Variants in DIPK1C observed in about 807,000 individuals in gnomAD.
DIPK1C encodes divergent protein kinase domain 1C, also known as familial non-conventional Alzheimer's dementia.
A neutral mutation model predicts 28.0 loss-of-function variants in DIPK1C; 33 were observed. The ratio of observed to expected loss-of-function variants is 1.18; its 90% CI spans 0.89 to 1.58. The LOEUF (loss-of-function observed/expected upper bound fraction) is 1.58, where lower values mean the gene tolerates loss of function less well. Ranked by LOEUF, DIPK1C falls within the 40% of genes most tolerant of loss-of-function variation. DIPK1C has a pLI of 0.00. For synonymous variants in DIPK1C, 255 were observed against 248.8 expected (o/e 1.02, Z -0.23); for missense variants, 569 against 568.5 (o/e 1.00, Z -0.01).
In DIPK1C at chr18:74,447,581, C is replaced by T. The variant is rs1047141303; in HGVS notation, c.199-298G>A. On this transcript the variant is annotated intron_variant, in intron 1 of 3. Coordinates refer to ENST00000343998, the MANE Select transcript of DIPK1C (RefSeq NM_001044369.3). This position sits in a 1 kb window ranked among gnomAD's most constrained non-coding sequence, Gnocchi z 4.1. The stretch of plus-strand genomic sequence containing the variant: ...TTCCCATCGTTCAGCTGGGTGACTC[C>T]GGGAAAGCCAGAGGCCAGGAAACCA... Among the ~76,000 whole-genome samples, 2 of 152,186 alleles carry T rather than the reference C, an allele frequency of 1.3e-5. No homozygotes were observed. The highest frequency in any genetic ancestry group is 6.5e-5 in the Admixed American group (1 of 15,286).
Position 74,446,949 on chromosome 18 carries a change from G to A in DIPK1C, c.533C>T (p.Pro178Leu), listed in dbSNP as rs1986280733. 6.7e-7 allele frequency: 1 copy of A among 1,503,056 alleles called. No individual in the cohort carries two copies. The highest frequency in any genetic ancestry group is 1.4e-5 in the African/African-American group (1 of 71,976). 93.1% of individuals were successfully genotyped at this position (1,503,056 alleles called of 1,614,324 possible). A position where few individuals can be genotyped will look rare whatever the true frequency, so the allele number is the denominator to read the frequency against. Residue 178 changes from proline (P) to leucine (L), a missense_variant, in exon 2 of 4, where the codon CCA becomes CTA. Coordinates refer to ENST00000343998, the MANE Select transcript of DIPK1C (RefSeq NM_001044369.3). The stretch of plus-strand genomic sequence containing the variant: ...GCTGGCCAGCTGTCCCCGCCAGCGT[G>A]GGCCCCGCCTGCCCGGCCACCACGG... The part of the protein sequence containing the change: ...LGPWWPGRRG[P>L]RWRGQLASLW...
intron 3 of DIPK1C, among the ~76,000 whole-genome samples, chr18:74,438,210 T>A (rs995445900): frequency 1.3e-5 from 2 of 152,218 alleles, no homozygotes; most frequent in African/African-American, 2.4e-5. Flanking sequence ...AAATCAGTTC[T>A]TATGAGGATA....
chr18:74,443,252 C>CA (rs1056132340), intron 2 of DIPK1C, among the ~76,000 whole-genome samples: 2 of 152,170 alleles, frequency 1.3e-5, no homozygotes, highest in African/African-American at 4.8e-5. Flanking sequence ...GATGCAACAA[C>CA]AAAAACAGAT....
Position 74,457,248 on chromosome 18 carries a change from C to G in DIPK1C, c.12G>C (p.Ala4=). MAR[A]AGARGPAGWC... ...ACCCGGCAGGGCCCCGCGCGCCCGC[C>G]GCCCGCGCCATGGCCAGCCCTGCCC... The change falls in exon 1 of 4, where the codon GCG becomes GCC. Residue 4 remains alanine (A), a synonymous_variant. Transcript: ENST00000343998. 1 of 1,005,532 alleles carries G rather than the reference C, an allele frequency of 9.9e-7. No homozygotes were observed. The highest frequency in any genetic ancestry group is 1.2e-6 in the Non-Finnish European group (1 of 844,976). The allele number at this position is 1,005,532 out of a possible 1,614,324, so 62.3% of individuals were successfully genotyped here. A position where few individuals can be genotyped will look rare whatever the true frequency, so the allele number is the denominator to read the frequency against.
chr18:74,462,510 A>G (rs1568268547), upstream of DIPK1C, among the ~76,000 whole-genome samples: 1 of 152,148 alleles, frequency 6.6e-6, no homozygotes, highest in Non-Finnish European at 1.5e-5. Context: ...AATTGTTTCT[A>G]CTTTTTGGCT....
At chr18:74,444,337 C>T (rs1404323818) in intron 2 of DIPK1C, among the ~76,000 whole-genome samples, 5 of 152,204 alleles carry the variant, frequency 3.3e-5, no homozygotes, top group Admixed American at 1.3e-4. Flanking sequence ...TGCAAGTGGG[C>T]ACCTGCCCTG....
chr18:74,444,251 C>A (rs1473692442), intron 2 of DIPK1C, among the ~76,000 whole-genome samples: 7 of 152,336 alleles, frequency 4.6e-5, no homozygotes, highest in South Asian at 2.1e-4. Context: ...TGGAAAAGAG[C>A]ACTGGCTGGC....
chr18:74,440,954 G>A (rs1283347333), intron 3 of DIPK1C, among the ~76,000 whole-genome samples: 1 of 152,210 alleles, frequency 6.6e-6, no homozygotes, highest in East Asian at 1.9e-4. Flanking sequence ...CTTTGGCCCA[G>A]AAGGTCTGTG....
At chr18:74,459,671 T>G (rs1180258729), upstream of DIPK1C, among the ~76,000 whole-genome samples, 3 of 152,204 alleles carry the variant, frequency 2.0e-5, no homozygotes, top group Non-Finnish European at 4.4e-5. Context: ...ACATTGGAAG[T>G]AACCTACTGT....
At chr18:74,441,242 T>C (rs2144513976) in intron 3 of DIPK1C, among the ~76,000 whole-genome samples, 1 of 152,232 alleles carries the variant, frequency 6.6e-6, no homozygotes, top group African/African-American at 2.4e-5. Flanking sequence ...CTGTAAGCCA[T>C]CGCATGCAAC....
intron 3 of DIPK1C, among the ~76,000 whole-genome samples, chr18:74,440,428 T>A (rs182195353): frequency 1.7e-4 from 26 of 152,356 alleles, no homozygotes; most frequent in Non-Finnish European, 3.2e-4. Context: ...AGTAATTCAT[T>A]ACAATCACGT....
intron 2 of DIPK1C, 53 bp from the exon 3 acceptor site, chr18:74,442,169 A>C (rs1236754538): frequency 6.3e-7 from 1 of 1,599,774 alleles, no homozygotes; most frequent in African/African-American, 1.4e-5. Flanking sequence ...GGCTCTGCAG[A>C]GAGGGAGCCT....
chr18:74,454,503 C>T (rs34952903), intron 1 of DIPK1C, among the ~76,000 whole-genome samples: 4,949 of 152,336 alleles, frequency 0.032, 105 homozygotes, highest in Non-Finnish European at 0.047. Context: ...ACTCCCTGGG[C>T]GCTGCCAGAA....
intron 1 of DIPK1C, among the ~76,000 whole-genome samples, chr18:74,455,650 G>A (rs573076763): frequency 6.7e-6 from 1 of 149,228 alleles, no homozygotes; most frequent in Non-Finnish European, 1.5e-5. Flanking sequence ...AATTAGCCAG[G>A]CATGGTGGTG....
chr18:74,440,690 T>G (rs893646184), intron 3 of DIPK1C, among the ~76,000 whole-genome samples: 5 of 152,226 alleles, frequency 3.3e-5, no homozygotes, highest in Admixed American at 3.3e-4. Context: ...TAAGAGCCCT[T>G]TCTACAGAAA....
intron 1 of DIPK1C, among the ~76,000 whole-genome samples, chr18:74,451,587 A>G (rs963950363): frequency 3.3e-5 from 5 of 152,228 alleles, no homozygotes; most frequent in African/African-American, 1.2e-4. Context: ...GAACAATGGT[A>G]TAACTTTGAA....
chr18:74,464,303 C>A, the DIPK1C span, among the ~76,000 whole-genome samples: 1 of 152,256 alleles, frequency 6.6e-6, no homozygotes, highest in Non-Finnish European at 1.5e-5. Context: ...CCTCCTAATA[C>A]AGAAAGCCAG....
intron 1 of DIPK1C, among the ~76,000 whole-genome samples, chr18:74,452,502 G>C (rs1397178997): frequency 6.6e-6 from 1 of 151,980 alleles, no homozygotes; most frequent in East Asian, 1.9e-4. Context: ...CGAGCAGTTT[G>C]GGAAGCTGAG....
At chr18:74,455,413 A>T (rs1986484539) in intron 1 of DIPK1C, among the ~76,000 whole-genome samples, 1 of 152,196 alleles carries the variant, frequency 6.6e-6, no homozygotes, top group African/African-American at 2.4e-5. Flanking sequence ...TCACAAAAAA[A>T]GAAAACCAGG....
Sources: gnomAD v4.1 joint callset for allele counts (sites outside exome capture counted in the v4.1 genomes callset) on GRCh38, gnomAD v4.1.1 for gene constraint, Gnocchi (gnomAD v3.1) non-coding constraint, MANE v1.5 for transcripts, NCBI Gene and HGNC (gene_info 2026-07-23, HGNC 2026-07-21) for gene names.